The following ABCA1 variants were observed in gnomAD, a reference collection of about 807,000 sequenced individuals.
The protein encoded by ABCA1 is phospholipid-transporting ATPase ABCA1.
A neutral mutation model predicts 262.5 loss-of-function variants in ABCA1; 133 were observed. The observed-to-expected ratio is 0.51, with a 90% CI of 0.44 to 0.59. The LOEUF is 0.59. Among genes scored for constraint, ABCA1 ranks in the 20% least tolerant of loss-of-function variants. The pLI is 0.00. For synonymous variants in ABCA1, 1,022 were observed against 1,043.5 expected (o/e 0.98, Z 0.40); for missense variants, 2,452 against 2,777.5 (o/e 0.88, Z 2.63).
intron 29 of ABCA1, 72 bp downstream of exon 29, chr9:104,810,728 C>T (rs1831204753): frequency 6.2e-7 from 1 of 1,610,696 alleles, no homozygotes; most frequent in South Asian, 1.1e-5. Context: ...GAAGTCCATT[C>T]CCTTGGCCCT....
intron 1 of ABCA1, among the ~76,000 whole-genome samples, chr9:104,926,544 C>T (rs1342818951): frequency 3.9e-5 from 6 of 152,140 alleles, no homozygotes; most frequent in Non-Finnish European, 7.3e-5. Context: ...CGGTCTTCAC[C>T]GGATTCACAG....
intron 2 of ABCA1, among the ~76,000 whole-genome samples, chr9:104,892,350 T>A (rs959723856): frequency 6.8e-6 from 1 of 147,250 alleles, no homozygotes; most frequent in African/African-American, 2.5e-5. Context: ...GAGATATACA[T>A]ATATATCACA....
In ABCA1 at chr9:104,788,041, G is replaced by A. The variant is rs200788099; in HGVS notation, c.6083C>T (p.Ala2028Val). 2.0e-4 allele frequency: 329 copies of A among 1,614,110 alleles called. No individual in the cohort carries two copies. Among genetic ancestry groups the A allele is most frequent in the Middle Eastern group, 1.8e-3 (11 of 6,062 alleles). Residue 2028 changes from alanine to valine, a missense_variant, in exon 46 of 50, where the codon GCG becomes GTG. By Grantham distance (64) the Ala-to-Val change is moderately conservative. Transcript: ENST00000374736. ...CTTCACGAGGCCCAGTTTCCGAATC[G>A]CCCACTCACCAACCTACAGTGATAA... ...EKEVGKVGEW[A>V]IRKLGLVKYG...
intron 5 of ABCA1, among the ~76,000 whole-genome samples, chr9:104,870,630 A>G (rs1374957677): frequency 6.6e-6 from 1 of 151,836 alleles, no homozygotes; most frequent in African/African-American, 2.4e-5. Flanking sequence ...TGCCCTCACC[A>G]ATAGCATTAG....
intron 7 of ABCA1, among the ~76,000 whole-genome samples, chr9:104,853,708 A>G (rs1835582428): frequency 6.6e-6 from 1 of 152,232 alleles, no homozygotes; most frequent in South Asian, 2.1e-4. Context: ...TGGTTTGTAC[A>G]TTAAAAACCC....
At chr9:104,873,226 T>C (rs73504136) in intron 5 of ABCA1, among the ~76,000 whole-genome samples, 7,200 of 152,334 alleles carry the variant, frequency 0.047, 303 homozygotes, top group African/African-American at 0.11. Flanking sequence ...TCCATTTTGA[T>C]GACATAATGT....
intron 35 of ABCA1, 84 bp downstream of exon 35, chr9:104,800,426 A>G: frequency 7.4e-7 from 1 of 1,355,178 alleles, no homozygotes; most frequent in South Asian, 1.2e-5. Context: ...GCCCCTGCCA[A>G]CTTTACCATG....
chr9:104,825,687 A>G lies in ABCA1; in HGVS notation c.2538T>C (p.Phe846=), dbSNP rs1272812453. 1 of 1,614,068 alleles carries G rather than the reference A, an allele frequency of 6.2e-7. No individual in the cohort carries two copies. Among genetic ancestry groups the G allele is most frequent in the African/African-American group, 1.3e-5 (1 of 74,952 alleles). The change falls in exon 17 of 50, where the codon TTT becomes TTC. Residue 846 remains phenylalanine, a synonymous_variant. Coordinates refer to ENST00000374736, the MANE Select transcript of ABCA1 (RefSeq NM_005502.4). ...CAGATGCCCAAAGCAGTGTACCTGG[A>G]AAGACAGCCTCAATGTACCAGGTCA... ...GVMTWYIEAV[F]PGQYGIPRPW...
chr9:104,814,981 G>A (rs1422295914), intron 25 of ABCA1, among the ~76,000 whole-genome samples: 1 of 151,988 alleles, frequency 6.6e-6, no homozygotes, highest in Non-Finnish European at 1.5e-5. Context: ...GGCAATAAGA[G>A]CAAAACTCCA....
chr9:104,804,856 C>T (rs1830632009), intron 31 of ABCA1, 136 bp from the exon 32 acceptor site: 6 of 768,314 alleles, frequency 7.8e-6, no homozygotes, highest in Non-Finnish European at 1.4e-5. Flanking sequence ...TGCCCTCAGT[C>T]AACCAGCACT....
chr9:104,832,736 C>T lies in ABCA1; in HGVS notation c.1347G>A (p.Trp449Ter). The change falls in exon 12 of 50, where the codon TGG becomes TGA. Residue 449 changes from tryptophan (W) to a stop codon, truncating the protein, a stop_gained. Transcript: ENST00000374736. LOFTEE classifies it high-confidence loss of function. ...LLDSRDNDHF[W>*]EQQLDGLDWT... ...AATCTAAGCCATCCAACTGCTGTTC[C>T]CAAAAGTGGTCATTGTCCCTGCTGT... 1 of 1,614,166 alleles carries T rather than the reference C, an allele frequency of 6.2e-7. No individual in the cohort carries two copies. The highest frequency in any genetic ancestry group is 8.5e-7 in the Non-Finnish European group (1 of 1,180,024).
rs373681334 is a variant in ABCA1, at chr9:104,800,226, A to G, written c.4774-238T>C. On this transcript the variant is annotated intron_variant, in intron 35 of 49. Transcript: ENST00000374736. Reference sequence around the variant, plus strand: ...TATACCTTTAACTCATTGAATTCTCACAACAGTTTGGAAATAGCTATGATT... The same window carrying G: ...TATACCTTTAACTCATTGAATTCTCGCAACAGTTTGGAAATAGCTATGATT... Among the ~76,000 whole-genome samples the G allele has an allele frequency of 9.1e-4, 138 of 152,298 alleles. 2 individuals are homozygous for G. The South Asian group carries it at 0.027, about 29-fold the overall frequency.
chr9:104,801,946 T>G, intron 34 of ABCA1, 108 bp downstream of exon 34: 1 of 1,007,118 alleles, frequency 9.9e-7, no homozygotes, highest in Non-Finnish European at 1.6e-6. Flanking sequence ...TATGCCAACA[T>G]ATTCAGAACA....
intron 2 of ABCA1, among the ~76,000 whole-genome samples, chr9:104,895,822 G>T (rs1481971763): frequency 6.6e-6 from 1 of 152,176 alleles, no homozygotes; most frequent in Non-Finnish European, 1.5e-5. Flanking sequence ...CAGTCACGGT[G>T]CTCTTAAATT....
chr9:104,918,210 G>A (rs573225472), intron 1 of ABCA1, among the ~76,000 whole-genome samples: 2 of 152,254 alleles, frequency 1.3e-5, no homozygotes, highest in East Asian at 1.9e-4. Context: ...GCAAATACAT[G>A]AGATGGACAT....
At chr9:104,887,526 C>T (rs1444252712) in intron 3 of ABCA1, among the ~76,000 whole-genome samples, 3 of 152,026 alleles carry the variant, frequency 2.0e-5, no homozygotes, top group African/African-American at 4.8e-5. Flanking sequence ...TGTAATCATT[C>T]CAGAAAATCA....
In ABCA1 at chr9:104,814,061, T is replaced by C. The variant is rs115721993; in HGVS notation, c.3901+57A>G. On this transcript the variant is annotated intron_variant, in intron 27 of 49. Coordinates refer to ENST00000374736, the MANE Select transcript of ABCA1 (RefSeq NM_005502.4). ...CATCCAAAGAAAACAGGTGAGAGCA[T>C]GAGAGAGAATTTCACATTCAAACAG... 4.0e-4 allele frequency: 615 copies of C among 1,548,014 alleles called. 2 individuals carry two copies. In the African/African-American group the frequency reaches 7.8e-3, roughly 20 times the overall value.
At position 104,782,129 on chromosome 9, in the gene ABCA1, G is replaced by A. The variant is rs902811820; in HGVS notation, c.*2186C>T. On this transcript the variant is annotated 3_prime_UTR_variant, in exon 50 of 50. Coordinates refer to ENST00000374736, the MANE Select transcript of ABCA1 (RefSeq NM_005502.4). ...AATGAAGAATTAGAATACGATTTTA[G>A]TAAAATGAGGAAACCATAACTTTGA... 3.3e-5 allele frequency: 5 copies of A among 152,048 alleles called. No homozygotes were observed. Among genetic ancestry groups the A allele is most frequent in the African/African-American group, 1.2e-4 (5 of 41,448 alleles). 9.4% of individuals were successfully genotyped at this position (152,048 alleles called of 1,614,324 possible). A position where few individuals can be genotyped will look rare whatever the true frequency, so the allele number is the denominator to read the frequency against.
chr9:104,805,826 TGGG>T (rs1830709964), intron 31 of ABCA1, among the ~76,000 whole-genome samples: 1 of 152,088 alleles, frequency 6.6e-6, no homozygotes, highest in Non-Finnish European at 1.5e-5. Flanking sequence ...GAAACAGGGC[TGGG>T]CGTAGTGGCT....
Sources: gnomAD v4.1 joint callset for allele counts (sites outside exome capture counted in the v4.1 genomes callset) on GRCh38, gnomAD v4.1.1 for gene constraint, MANE v1.5 for transcripts, NCBI Gene and HGNC (gene_info 2026-07-23, HGNC 2026-07-21) for gene names.